Variants in GABBR2 observed in about 807,000 individuals in gnomAD.
The protein encoded by GABBR2 is gamma-aminobutyric acid type B receptor subunit 2.
A neutral mutation model predicts 105.6 loss-of-function variants in GABBR2; 23 were observed. The ratio of observed to expected loss-of-function variants is 0.22; its 90% CI spans 0.16 to 0.31. The LOEUF (loss-of-function observed/expected upper bound fraction) is 0.31. Ranked by LOEUF, GABBR2 falls within the 10% of genes least tolerant of loss-of-function variation. The pLI, the probability that GABBR2 is intolerant of heterozygous loss-of-function variation, is 1.00. For synonymous variants in GABBR2, 478 were observed against 499.7 expected (o/e 0.96, Z 0.58); for missense variants, 734 against 1,245.5 (o/e 0.59, Z 6.18).
At chr9:98,570,977 C>T (rs1828821436) in intron 2 of GABBR2, among the ~76,000 whole-genome samples, 1 of 152,238 alleles carries the variant, frequency 6.6e-6, no homozygotes, top group African/African-American at 2.4e-5. Flanking sequence ...GCCCTGAGCA[C>T]TGCTCTGGCA....
In GABBR2 at chr9:98,456,860, A is replaced by G. The variant is rs565013231; in HGVS notation, c.1000-2643T>C. On this transcript the variant is annotated intron_variant, in intron 6 of 18. Coordinates refer to ENST00000259455, the MANE Select transcript of GABBR2 (RefSeq NM_005458.8). ...TTAATGATTAGAATGAGCTTATTTT[A>G]AATATTAACCAGCAATCTTAATTTT... Among the ~76,000 whole-genome samples the G allele has an allele frequency of 2.6e-5, 4 of 152,368 alleles. No homozygotes were observed. In the East Asian group the frequency reaches 7.7e-4, roughly 29 times the overall value.
intron 1 of GABBR2, among the ~76,000 whole-genome samples, chr9:98,602,209 C>A (rs1829348795): frequency 1.3e-5 from 2 of 150,742 alleles, no homozygotes; most frequent in African/African-American, 4.9e-5. Context: ...TGCGGTGGCT[C>A]ACGCTTGTAA....
At chr9:98,607,525 A>G in intron 1 of GABBR2, 1 of 603,120 alleles carries the variant, frequency 1.7e-6, no homozygotes, top group Non-Finnish European at 3.0e-6. Context: ...AGAAGAAAAT[A>G]AACTTGTTAA....
intron 4 of GABBR2, among the ~76,000 whole-genome samples, chr9:98,483,869 G>C (rs1265040402): frequency 6.6e-6 from 1 of 152,164 alleles, no homozygotes; most frequent in Non-Finnish European, 1.5e-5. Context: ...CCACTTACTT[G>C]TCTGTCTTCC....
intron 4 of GABBR2, among the ~76,000 whole-genome samples, chr9:98,486,726 A>G (rs1375063317): frequency 6.6e-6 from 1 of 152,230 alleles, no homozygotes; most frequent in Non-Finnish European, 1.5e-5. Context: ...GAGGCTGGCC[A>G]TGACCTGGGC....
chr9:98,425,064 T>A (rs144345545), intron 7 of GABBR2, among the ~76,000 whole-genome samples: 251 of 151,862 alleles, frequency 1.7e-3, no homozygotes, highest in African/African-American at 5.8e-3. Context: ...CACTGCTTAA[T>A]GAAAAGGAAG....
At chr9:98,611,008 CA>C (rs1310086787) in intron 1 of GABBR2, among the ~76,000 whole-genome samples, 2 of 151,662 alleles carry the variant, frequency 1.3e-5, no homozygotes, top group African/African-American at 4.8e-5. Context: ...AACGAACAAA[CA>C]AAAAAAACAA....
chr9:98,333,193 G>A (rs898556505), intron 13 of GABBR2, among the ~76,000 whole-genome samples: 4 of 152,146 alleles, frequency 2.6e-5, no homozygotes, highest in African/African-American at 7.2e-5. Context: ...GTGCTCTCCA[G>A]GTGCTGGGTG....
chr9:98,610,468 AAAG>A (rs1829490030), intron 1 of GABBR2, among the ~76,000 whole-genome samples: 1 of 152,198 alleles, frequency 6.6e-6, no homozygotes, highest in African/African-American at 2.4e-5. Flanking sequence ...TTATATGGTA[AAAG>A]AGGGAATATT....
chr9:98,508,431 C>T (rs941286116), intron 3 of GABBR2, among the ~76,000 whole-genome samples: 4 of 152,244 alleles, frequency 2.6e-5, no homozygotes, highest in Admixed American at 6.5e-5. Flanking sequence ...ACAGTGGGTG[C>T]AGCGCACCGT....
chr9:98,310,739 C>T (rs903976870), intron 14 of GABBR2, among the ~76,000 whole-genome samples: 1 of 152,130 alleles, frequency 6.6e-6, no homozygotes, highest in Non-Finnish European at 1.5e-5. Context: ...CATGAACATG[C>T]ACTGGATGTC....
rs562863321 is a variant in GABBR2 at position 98,566,430 on chromosome 9, C to A, written c.459+11505G>T. On this transcript the variant is annotated intron_variant, in intron 2 of 18. Coordinates refer to ENST00000259455, the MANE Select transcript of GABBR2 (RefSeq NM_005458.8). ...GTGGCCCACACCTGTAATCCCAGCA[C>A]TTTGGAAGGCCGAGGCGGGCGGATC... Among the ~76,000 whole-genome samples the A allele has an allele frequency of 7.9e-5, 12 of 152,234 alleles. No individual in the cohort carries two copies. In the East Asian group the frequency reaches 2.3e-3, roughly 29 times the overall value.
At chr9:98,331,926 C>T (rs1831033741) in intron 13 of GABBR2, among the ~76,000 whole-genome samples, 1 of 152,164 alleles carries the variant, frequency 6.6e-6, no homozygotes, top group Non-Finnish European at 1.5e-5. Context: ...GAGGACAATA[C>T]ACATGGACAA....
intron 7 of GABBR2, among the ~76,000 whole-genome samples, chr9:98,430,588 TCTTTCCCTGGTCTCAAGTG>T (rs1825789635): frequency 6.6e-6 from 1 of 152,204 alleles, no homozygotes; most frequent in African/African-American, 2.4e-5. Context: ...TTCTGCTGGT[TCTTTCCCTGGTCTCAAGTG>T]CTTTCCTCTG....
Position 98,290,453 on chromosome 9 carries a change from C to T in GABBR2, c.*131G>A, listed in dbSNP as rs750098377. ...CCGTCCTGTCCACCTGAGTGCCATC[C>T]GAGTGGTCCTGAGAGGCCAGCCATG... On this transcript the variant is annotated 3_prime_UTR_variant, in exon 19 of 19. Coordinates refer to ENST00000259455, the MANE Select transcript of GABBR2 (RefSeq NM_005458.8). The T allele has an allele frequency of 2.9e-5, 15 of 524,278 alleles. No homozygotes were observed. Among genetic ancestry groups the T allele is most frequent in the Non-Finnish European group, 4.5e-5 (15 of 332,940 alleles). The allele number at this position is 524,278 out of a possible 1,614,324, so 32.5% of individuals were successfully genotyped here.
chr9:98,418,234 G>C (rs1832721878), intron 7 of GABBR2, among the ~76,000 whole-genome samples: 1 of 152,114 alleles, frequency 6.6e-6, no homozygotes, highest in Admixed American at 6.5e-5. Context: ...GAGCAAAGTA[G>C]ATGATGCATG....
At chr9:98,362,649 C>T in intron 13 of GABBR2, 66 bp downstream of exon 13, 1 of 1,352,038 alleles carries the variant, frequency 7.4e-7, no homozygotes, top group Non-Finnish European at 9.7e-7. Flanking sequence ...GCTGTGCAGC[C>T]TCACTGTCCT....
chr9:98,304,881 C>T (rs1482255619), intron 15 of GABBR2, among the ~76,000 whole-genome samples: 1 of 152,218 alleles, frequency 6.6e-6, no homozygotes, highest in Non-Finnish European at 1.5e-5. Context: ...AAGTGATCTT[C>T]CTACTTCAGC....
At chr9:98,621,085 A>T (rs1449273755) in intron 1 of GABBR2, among the ~76,000 whole-genome samples, 1 of 152,196 alleles carries the variant, frequency 6.6e-6, no homozygotes, top group Non-Finnish European at 1.5e-5. Flanking sequence ...CGCAGCAATT[A>T]CCCTTGGCTT....
Sources: gnomAD v4.1 joint callset for allele counts (sites outside exome capture counted in the v4.1 genomes callset) on GRCh38, gnomAD v4.1.1 for gene constraint, MANE v1.5 for transcripts, NCBI Gene and HGNC (gene_info 2026-07-23, HGNC 2026-07-21) for gene names.